The following CALHM4 variants were observed in gnomAD, a reference collection of about 807,000 sequenced individuals.
CALHM4 encodes calcium homeostasis modulator protein 4.
A neutral mutation model predicts 13.3 loss-of-function variants in CALHM4; 16 were observed. The ratio of observed to expected loss-of-function variants is 1.20; its 90% confidence interval spans 0.81 to 1.82. The LOEUF is 1.82. Among genes scored for constraint, CALHM4 ranks in the 40% most tolerant of loss-of-function variants. CALHM4 has a pLI of 0.00. For synonymous variants in CALHM4, 127 were observed against 137.1 expected (o/e 0.93, Z 0.52); for missense variants, 344 against 374.9 (o/e 0.92, Z 0.68).
chr6:116,552,231 T>A (rs1774111256), upstream of CALHM4, among the ~76,000 whole-genome samples: 2 of 152,226 alleles, frequency 1.3e-5, no homozygotes, highest in African/African-American at 4.8e-5. Flanking sequence ...TGATGAGAAG[T>A]CTGCTGTCAG....
chr6:116,549,377 A>G (rs1399618267), upstream of CALHM4, among the ~76,000 whole-genome samples: 1 of 152,166 alleles, frequency 6.6e-6, no homozygotes, highest in African/African-American at 2.4e-5. Context: ...ACATGTCACT[A>G]TATACACTTC....
At chr6:116,542,479 T>C (rs1487057539) in intron 1 of CALHM4, among the ~76,000 whole-genome samples, 1 of 152,160 alleles carries the variant, frequency 6.6e-6, no homozygotes, top group Non-Finnish European at 1.5e-5. Context: ...TTAGGCTAAA[T>C]TTCCCCTTCA....
At chr6:116,544,186 A>AGAGAGAGAGAGAGAG (rs1773635989) in intron 2 of CALHM4, among the ~76,000 whole-genome samples, 1 of 151,334 alleles carries the variant, frequency 6.6e-6, no homozygotes, top group Non-Finnish European at 1.5e-5. Context: ...AGAGAGAATG[A>AGAGAGAGAGAGAGAG]TGAGATTGTT....
chr6:116,546,103 A>G (rs962980690), intron 2 of CALHM4, among the ~76,000 whole-genome samples: 3 of 152,180 alleles, frequency 2.0e-5, no homozygotes, highest in African/African-American at 4.8e-5. Context: ...ACAGTATTCA[A>G]ATATATCTGG....
chr6:116,540,966 C>T (rs1000409538), intron 1 of CALHM4, among the ~76,000 whole-genome samples: 1 of 151,988 alleles, frequency 6.6e-6, no homozygotes, highest in African/African-American at 2.4e-5. Flanking sequence ...ATTTTTGTTG[C>T]CAGTGAGAGT....
rs1774194696 is a variant in CALHM4 at position 116,553,980 on chromosome 6, C to T, written c.187C>T (p.Leu63Phe). 1 of 1,550,632 alleles carries T rather than the reference C, an allele frequency of 6.4e-7. No individual in the cohort carries two copies. Among genetic ancestry groups the T allele is most frequent in the Non-Finnish European group, 8.7e-7 (1 of 1,147,020 alleles). ...SAFLVIPALI[L>F]LVAGFALRSQ... Reference sequence around the variant, plus strand: ...TTTTCTTGTCATTCCTGCCTTGATCCTTCTCGTTGCTGGCTTTGCTCTGAG... The same window carrying T: ...TTTTCTTGTCATTCCTGCCTTGATCTTTCTCGTTGCTGGCTTTGCTCTGAG... The change falls in exon 1 of 2, where the codon CTT (leucine) becomes TTT (phenylalanine). Residue 63 changes from leucine to phenylalanine, a missense_variant. Leu to Phe is a conservative substitution (Grantham distance 22). Coordinates refer to ENST00000368596, the MANE Select transcript of CALHM4 (RefSeq NM_001366078.2).
Position 116,553,808 on chromosome 6 carries a change from C to T in CALHM4, c.15C>T (p.Leu5=). 1 of 1,550,214 alleles carries T rather than the reference C, an allele frequency of 6.5e-7. No individual in the cohort carries two copies. The highest frequency in any genetic ancestry group is 8.7e-7 in the Non-Finnish European group (1 of 1,146,758). ...AGCTTCCCAAGATGTGCCCAACTCT[C>T]AACAATATTGTGTCTTCTCTGCAGA... The part of the protein sequence containing the change: MCPT[L]NNIVSSLQRN... The change falls in exon 1 of 2, where the codon CTC becomes CTT. Residue 5 remains leucine, a synonymous_variant. Transcript: ENST00000368596.
At chr6:116,542,979 T>A (rs1449522990) in intron 1 of CALHM4, among the ~76,000 whole-genome samples, 1 of 152,146 alleles carries the variant, frequency 6.6e-6, no homozygotes, top group East Asian at 1.9e-4. Context: ...TAAAATTTGA[T>A]GTTCCCTCAT....
upstream of CALHM4, among the ~76,000 whole-genome samples, chr6:116,550,622 A>G (rs1408856408): frequency 1.3e-5 from 2 of 151,630 alleles, no homozygotes; most frequent in African/African-American, 4.8e-5. Flanking sequence ...TTCTACCATT[A>G]TTTTCTGTTT....
rs1235219329 is a variant in CALHM4 at position 116,553,855 on chromosome 6, C to A, written c.62C>A (p.Ser21Tyr). ...SLQRNGIFIN[S>Y]LIAALTIGGQ... ...CAGAGAAATGGAATATTTATCAATT[C>A]TTTAATTGCAGCCTTGACTATTGGT... Residue 21 changes from serine (S) to tyrosine (Y), a missense_variant, in exon 1 of 2, where the codon TCT becomes TAT. Ser to Tyr is a moderately radical substitution (Grantham distance 144). Transcript: ENST00000368596. 1.9e-6 allele frequency: 3 copies of A among 1,550,650 alleles called. No individual in the cohort carries two copies. In the Admixed American group the frequency reaches 5.9e-5, roughly 30 times the overall value.
upstream of CALHM4, among the ~76,000 whole-genome samples, chr6:116,552,313 A>G (rs1051443761): frequency 2.0e-5 from 3 of 151,958 alleles, no homozygotes; most frequent in African/African-American, 2.4e-5. Flanking sequence ...ATTTTTTCAC[A>G]TTCTGCAGTT....
intron 1 of CALHM4, among the ~76,000 whole-genome samples, chr6:116,535,581 C>G (rs1387106063): frequency 6.6e-6 from 1 of 152,094 alleles, no homozygotes; most frequent in African/African-American, 2.4e-5. Flanking sequence ...TTTTTTGGCT[C>G]TTTGACCAGA....
intron 1 of CALHM4, among the ~76,000 whole-genome samples, chr6:116,542,092 C>A (rs1219372708): frequency 1.3e-5 from 2 of 152,064 alleles, no homozygotes; most frequent in East Asian, 1.9e-4. Context: ...CAAAACAATG[C>A]AAGTTTAACA....
At chr6:116,549,349 A>T (rs1357177271), upstream of CALHM4, among the ~76,000 whole-genome samples, 3 of 152,212 alleles carry the variant, frequency 2.0e-5, no homozygotes, top group Non-Finnish European at 4.4e-5. Context: ...TGTGGCATTT[A>T]CTATTGAGCT....
In CALHM4 at chr6:116,559,689, G is replaced by A. The variant is rs1000388554; in HGVS notation, c.*1478G>A. Among the ~76,000 whole-genome samples the A allele has an allele frequency of 5.3e-5, 8 of 151,954 alleles. No individual in the cohort carries two copies. The highest frequency in any genetic ancestry group is 8.8e-5 in the Non-Finnish European group (6 of 68,000). ...GATTTTTTTCATCTATACAATAAAA[G>A]GGATGATAATATTTTACCTCTTGGA... On this transcript the variant is annotated 3_prime_UTR_variant, in exon 2 of 2. Coordinates refer to ENST00000368596, the MANE Select transcript of CALHM4 (RefSeq NM_001366078.2).
At chr6:116,545,500 T>G in intron 2 of CALHM4, 2 of 1,548,814 alleles carry the variant, frequency 1.3e-6, no homozygotes, top group Non-Finnish European at 1.7e-6. Flanking sequence ...GTCTTCGGTG[T>G]GCAGGGCGAG....
At chr6:116,553,030 C>T (rs892288372), upstream of CALHM4, among the ~76,000 whole-genome samples, 6 of 152,140 alleles carry the variant, frequency 3.9e-5, no homozygotes, top group African/African-American at 9.7e-5. Context: ...GCCGAGATCG[C>T]GCCACTGCAC....
intron 1 of CALHM4, among the ~76,000 whole-genome samples, chr6:116,554,721 A>G (rs1774233275): frequency 6.6e-6 from 1 of 152,186 alleles, no homozygotes; most frequent in African/African-American, 2.4e-5. Context: ...TATGAATATT[A>G]TTATTGCTAT....
chr6:116,539,565 G>A (rs1773301701), intron 1 of CALHM4, among the ~76,000 whole-genome samples: 1 of 152,280 alleles, frequency 6.6e-6, no homozygotes, highest in East Asian at 1.9e-4. Context: ...GAGGGTTACT[G>A]TGACAGTGAA....
Sources: allele counts gnomAD v4.1 joint callset (sites outside exome capture counted in the v4.1 genomes callset), GRCh38; gene constraint gnomAD v4.1.1; transcripts MANE v1.5; gene names NCBI Gene and HGNC (gene_info 2026-07-23, HGNC 2026-07-21).